STRN3: variants seen among roughly 807,000 people sequenced by gnomAD.
STRN3 encodes striatin 3.
In STRN3, 29 loss-of-function variants were observed where a neutral mutation model predicts 95.6. The ratio of observed to expected loss-of-function variants is 0.30; its 90% CI spans 0.23 to 0.41. The LOEUF (loss-of-function observed/expected upper bound fraction) is 0.41, where lower values mean the gene tolerates loss of function less well. STRN3 is among the 10% of genes least tolerant of loss of function. The pLI is 1.00. For missense variants in STRN3, 890 were observed against 972.1 expected (o/e 0.92, Z 1.12); for synonymous variants, 331 against 357.6 (o/e 0.93, Z 0.84).
chr14:31,018,312 C>A, intron 1 of STRN3: 1 of 246,744 alleles, frequency 4.1e-6, no homozygotes, highest in South Asian at 4.4e-5. Flanking sequence ...AGGGTGGGCA[C>A]CATGTTGCAT....
rs1161536475 is a variant in STRN3, at chr14:31,025,979, C to T, written c.207G>A (p.Leu69=). 2 of 1,577,670 alleles carry T rather than the reference C, an allele frequency of 1.3e-6. No individual in the cohort carries two copies. The highest frequency in any genetic ancestry group is 8.6e-7 in the Non-Finnish European group (1 of 1,162,770). Residue 69 remains leucine, a synonymous_variant, in exon 1 of 18, where the codon CTG becomes CTA. Coordinates refer to ENST00000357479, the MANE Select transcript of STRN3 (RefSeq NM_001083893.2). ...RPQQYTIPGI[L]HYIQHEWARF... ...GAGCCCACTCGTGCTGGATGTAGTG[C>T]AGTATCCCCGGGATAGTGTACTGCT...
intron 5 of STRN3, among the ~76,000 whole-genome samples, chr14:30,939,710 T>A (rs1879001618): frequency 6.6e-6 from 1 of 152,128 alleles, no homozygotes; most frequent in South Asian, 2.1e-4. Context: ...TCCTTCTCTA[T>A]CTTTGATTCC....
chr14:30,902,333 T>C (rs1363927443), intron 16 of STRN3, among the ~76,000 whole-genome samples: 5 of 151,808 alleles, frequency 3.3e-5, no homozygotes, highest in Non-Finnish European at 4.4e-5. Flanking sequence ...GAAATCGTAA[T>C]AGCTAGGCAA....
chr14:30,994,661 A>C (rs1882116781), intron 1 of STRN3, among the ~76,000 whole-genome samples: 1 of 152,252 alleles, frequency 6.6e-6, no homozygotes, highest in South Asian at 2.1e-4. Context: ...GTTACACTTT[A>C]AAAAAACAGG....
chr14:30,942,849 G>A (rs1378671131), intron 5 of STRN3, among the ~76,000 whole-genome samples: 2 of 152,046 alleles, frequency 1.3e-5, no homozygotes, highest in Non-Finnish European at 2.9e-5. Context: ...AACACTTACT[G>A]TGTGTCAGGC....
At chr14:30,933,834 T>G (rs908335934) in intron 7 of STRN3, among the ~76,000 whole-genome samples, 1 of 152,234 alleles carries the variant, frequency 6.6e-6, no homozygotes, top group Non-Finnish European at 1.5e-5. Context: ...AGTACTTGAT[T>G]CATTTTTTAT....
intron 1 of STRN3, chr14:31,025,215 G>A (rs1422580968): frequency 6.6e-6 from 1 of 152,264 alleles, no homozygotes; most frequent in Non-Finnish European, 1.5e-5. Flanking sequence ...ACTGTAAAAA[G>A]AAAAATTCAG....
At chr14:30,969,190 C>T (rs1052001651) in intron 1 of STRN3, among the ~76,000 whole-genome samples, 8 of 152,294 alleles carry the variant, frequency 5.3e-5, no homozygotes, top group South Asian at 2.1e-4. Context: ...AATCCCAGCA[C>T]TTTGGGAGGC....
chr14:30,965,678 G>C lies in STRN3; in HGVS notation c.283-9436C>G, dbSNP rs1411203910. 2.0e-5 allele frequency among the ~76,000 whole-genome samples: 3 copies of C among 149,266 alleles called. No individual in the cohort carries two copies. In the Admixed American group the frequency reaches 2.0e-4, roughly 10 times the overall value. ...CTACTAAAAAAATTAGCCAGGCATA[G>C]TGGCAGGTGCCTGTAATCTCAACTA... On this transcript the variant is annotated intron_variant, in intron 1 of 17. Coordinates refer to ENST00000357479, the MANE Select transcript of STRN3 (RefSeq NM_001083893.2).
At chr14:30,984,127 G>T (rs868667248) in intron 1 of STRN3, among the ~76,000 whole-genome samples, 2 of 81,390 alleles carry the variant, frequency 2.5e-5, no homozygotes, top group Admixed American at 1.4e-4. Flanking sequence ...CATCTTCCCC[G>T]CCCCCCCCAA....
chr14:30,906,056 T>G (rs560216874), intron 14 of STRN3, among the ~76,000 whole-genome samples: 66 of 152,336 alleles, frequency 4.3e-4, no homozygotes, highest in Middle Eastern at 6.8e-3. Context: ...TGCAGTACTT[T>G]ACCCTAAAAT....
chr14:30,933,323 G>A (rs1878649575), intron 7 of STRN3, among the ~76,000 whole-genome samples: 1 of 127,640 alleles, frequency 7.8e-6, no homozygotes. Flanking sequence ...GAAGAACCAT[G>A]TATTAAGTGA....
At chr14:30,984,520 T>C (rs1323942155) in intron 1 of STRN3, among the ~76,000 whole-genome samples, 1 of 152,068 alleles carries the variant, frequency 6.6e-6, no homozygotes, top group African/African-American at 2.4e-5. Context: ...CTCATAAGGA[T>C]AGCAACTATA....
intron 11 of STRN3, 76 bp from the exon 12 acceptor site, chr14:30,911,900 T>C (rs1896620172): frequency 1.9e-6 from 3 of 1,559,270 alleles, no homozygotes; most frequent in South Asian, 1.2e-5. Flanking sequence ...TATTAAATAG[T>C]CATTAGATCA....
At chr14:30,900,080 G>C (rs975832921) in intron 16 of STRN3, among the ~76,000 whole-genome samples, 1 of 152,080 alleles carries the variant, frequency 6.6e-6, no homozygotes, top group African/African-American at 2.4e-5. Flanking sequence ...TATCCAGGCC[G>C]GGCGCAGTGG....
At chr14:31,025,668 G>A (rs751394885) in intron 1 of STRN3, 131 of 632,392 alleles carry the variant, frequency 2.1e-4, no homozygotes, top group Non-Finnish European at 3.2e-4. Context: ...CAAAATGGCT[G>A]CCCCGAGGAG....
At chr14:30,981,561 A>G (rs1487889623) in intron 1 of STRN3, among the ~76,000 whole-genome samples, 1 of 146,532 alleles carries the variant, frequency 6.8e-6, no homozygotes, top group Non-Finnish European at 1.5e-5. Context: ...TGAGAATCAC[A>G]AGGTAGCTTA....
At chr14:30,930,722 T>C (rs1878489577) in intron 7 of STRN3, among the ~76,000 whole-genome samples, 1 of 152,176 alleles carries the variant, frequency 6.6e-6, no homozygotes, top group African/African-American at 2.4e-5. Flanking sequence ...CTTTACTCAA[T>C]TCGCATGTAT....
At chr14:30,964,932 G>GA (rs781194159) in intron 1 of STRN3, among the ~76,000 whole-genome samples, 11 of 140,836 alleles carry the variant, frequency 7.8e-5, no homozygotes, top group East Asian at 2.2e-4. Flanking sequence ...AAAAAAAAAA[G>GA]AAAAAAAAAG....
Sources: gnomAD v4.1 joint callset for allele counts (sites outside exome capture counted in the v4.1 genomes callset) on GRCh38, gnomAD v4.1.1 for gene constraint, MANE v1.5 for transcripts, NCBI Gene and HGNC (gene_info 2026-07-23, HGNC 2026-07-21) for gene names.